CDH20: variants seen among roughly 807,000 people sequenced by gnomAD.
The protein encoded by CDH20 is cadherin 20.
In CDH20, 29 loss-of-function variants were observed where a neutral mutation model predicts 74.2. That is an observed-to-expected ratio of 0.39 (90% CI 0.29 to 0.53). The LOEUF is 0.53. Among genes scored for constraint, CDH20 ranks in the 20% least tolerant of loss-of-function variants. The pLI, the probability that CDH20 is intolerant of heterozygous loss-of-function variation, is 0.69. For missense variants in CDH20, 988 were observed against 1,048.3 expected (o/e 0.94, Z 0.79); for synonymous variants, 469 against 405.4 (o/e 1.16, Z -1.88).
chr18:61,444,367 T>G (rs1281624146), intron 1 of CDH20, among the ~76,000 whole-genome samples: 1 of 152,148 alleles, frequency 6.6e-6, no homozygotes, highest in Non-Finnish European at 1.5e-5. Flanking sequence ...CTGACATATA[T>G]CTTTCTTGGG....
intron 7 of CDH20, 56 bp from the exon 8 acceptor site, chr18:61,536,437 A>T: frequency 6.8e-7 from 1 of 1,474,750 alleles, no homozygotes; most frequent in Non-Finnish European, 9.4e-7. Flanking sequence ...CTCATGTGGT[A>T]TGCTGTCATA....
chr18:61,491,100 T>C (rs544460363), intron 2 of CDH20, among the ~76,000 whole-genome samples: 229 of 152,256 alleles, frequency 1.5e-3, no homozygotes, highest in African/African-American at 5.3e-3. Flanking sequence ...AGCAGCTGTC[T>C]GGGAATGACA....
At chr18:61,513,563 G>C (rs1353996285) in intron 6 of CDH20, among the ~76,000 whole-genome samples, 2 of 150,484 alleles carry the variant, frequency 1.3e-5, no homozygotes, top group African/African-American at 4.9e-5. Context: ...TGGTTATTTT[G>C]CTCGTTAGTT....
chr18:61,449,824 G>A (rs1031184714), intron 1 of CDH20, among the ~76,000 whole-genome samples: 1 of 151,686 alleles, frequency 6.6e-6, no homozygotes, highest in Non-Finnish European at 1.5e-5. Flanking sequence ...CAGGGAGGGG[G>A]TATTTTCTTT....
intron 1 of CDH20, among the ~76,000 whole-genome samples, chr18:61,392,693 C>T (rs1007148406): frequency 7.5e-5 from 11 of 147,266 alleles, no homozygotes; most frequent in African/African-American, 1.3e-4. Context: ...CTTGAGTGAA[C>T]GAAGGAAAGG....
intron 1 of CDH20, among the ~76,000 whole-genome samples, chr18:61,479,056 G>A (rs1361403894): frequency 2.0e-5 from 3 of 151,912 alleles, no homozygotes; most frequent in Non-Finnish European, 4.4e-5. Flanking sequence ...TTAAAGTGTG[G>A]AAAAAATAGT....
Position 61,499,247 on chromosome 18 carries a change from C to A in CDH20, c.308C>A (p.Ala103Asp). The change falls in exon 3 of 12, where the codon GCT becomes GAT. Residue 103 changes from alanine to aspartate, a missense_variant. Physicochemically the swap from Ala to Asp is moderately radical, Grantham distance 126. Transcript: ENST00000262717. ...SIKYILSGEG[A>D]GIVFTIDDTT... ...AAATACATCCTCTCGGGAGAAGGTG[C>A]TGGCATCGTGTTTACCATCGACGAC... is the stretch of plus-strand genomic sequence containing the variant. 6.2e-7 allele frequency: 1 copy of A among 1,612,878 alleles called. No homozygotes were observed. The highest frequency in any genetic ancestry group is 8.5e-7 in the Non-Finnish European group (1 of 1,179,208).
At chr18:61,421,119 G>T (rs1225328559) in intron 1 of CDH20, among the ~76,000 whole-genome samples, 3 of 152,152 alleles carry the variant, frequency 2.0e-5, no homozygotes, top group African/African-American at 7.2e-5. Flanking sequence ...TCATGACCTT[G>T]CTCTTTCCAA....
At chr18:61,507,828 C>T (rs913218711) in intron 6 of CDH20, among the ~76,000 whole-genome samples, 2 of 152,024 alleles carry the variant, frequency 1.3e-5, no homozygotes, top group Admixed American at 6.6e-5. Flanking sequence ...TCCTTCTACC[C>T]AGCCACTTAA....
intron 1 of CDH20, among the ~76,000 whole-genome samples, chr18:61,339,815 G>A (rs1394685181): frequency 1.3e-5 from 2 of 149,818 alleles, no homozygotes; most frequent in Admixed American, 1.3e-4. Flanking sequence ...AGCCTCCCAA[G>A]TAGCTGGGAC....
chr18:61,517,399 A>G (rs541434207), intron 6 of CDH20, among the ~76,000 whole-genome samples: 67 of 152,238 alleles, frequency 4.4e-4, no homozygotes, highest in African/African-American at 1.6e-3. Context: ...GCTCATCTCA[A>G]TGGGAGTGGT....
At chr18:61,479,248 T>C (rs1203049894) in intron 1 of CDH20, among the ~76,000 whole-genome samples, 1 of 152,138 alleles carries the variant, frequency 6.6e-6, no homozygotes, top group Non-Finnish European at 1.5e-5. Flanking sequence ...CTGAAAGACT[T>C]ATAATAAAAG....
At chr18:61,499,531 C>CAA in intron 3 of CDH20, 51 bp downstream of exon 3, 1 of 1,122,516 alleles carries the variant, frequency 8.9e-7, no homozygotes, top group Non-Finnish European at 1.3e-6. Flanking sequence ...TATATATATA[C>CAA]ACACACACAC....
intron 1 of CDH20, among the ~76,000 whole-genome samples, chr18:61,474,549 G>A (rs1023500720): frequency 2.0e-5 from 3 of 152,080 alleles, no homozygotes; most frequent in Admixed American, 6.5e-5. Context: ...TGGTTCCTCG[G>A]GATTCTACTC....
At chr18:61,517,581 T>C (rs1912043094) in intron 6 of CDH20, among the ~76,000 whole-genome samples, 2 of 152,170 alleles carry the variant, frequency 1.3e-5, no homozygotes, top group South Asian at 4.1e-4. Flanking sequence ...TCCCATGGTC[T>C]TTGCAACCAG....
chr18:61,454,617 A>G (rs1171934810), intron 1 of CDH20, among the ~76,000 whole-genome samples: 1 of 152,196 alleles, frequency 6.6e-6, no homozygotes, highest in Non-Finnish European at 1.5e-5. Context: ...TTCTAAAAAT[A>G]AGGTCTGGGT....
intron 5 of CDH20, among the ~76,000 whole-genome samples, chr18:61,506,720 CT>C (rs1354408090): frequency 6.6e-6 from 1 of 152,054 alleles, no homozygotes; most frequent in Non-Finnish European, 1.5e-5. Flanking sequence ...ATGTGAGAAC[CT>C]TTTTAGTATT....
chr18:61,369,372 C>A (rs1009626796), intron 1 of CDH20, among the ~76,000 whole-genome samples: 2 of 152,102 alleles, frequency 1.3e-5, no homozygotes, highest in Non-Finnish European at 2.9e-5. Flanking sequence ...AATTGTATGA[C>A]AGACTTTTAA....
chr18:61,342,686 C>A (rs879756765), intron 1 of CDH20, among the ~76,000 whole-genome samples: 1 of 152,082 alleles, frequency 6.6e-6, no homozygotes, highest in South Asian at 2.1e-4. Context: ...GCAAAAGTAC[C>A]CCTAGTTGAG....
Sources: gnomAD v4.1 joint callset for allele counts (sites outside exome capture counted in the v4.1 genomes callset) on GRCh38, gnomAD v4.1.1 for gene constraint, MANE v1.5 for transcripts, NCBI Gene and HGNC (gene_info 2026-07-23, HGNC 2026-07-21) for gene names.